COL11A1: variants seen among roughly 807,000 people sequenced by gnomAD.
COL11A1 encodes the protein collagen alpha-1(XI) chain.
Under a neutral mutation model 265.2 loss-of-function variants are expected in COL11A1, and 74 were observed. That is an observed-to-expected ratio of 0.28 (90% CI 0.23 to 0.34). COL11A1 has a LOEUF of 0.34. Ranked by LOEUF, COL11A1 falls within the 10% of genes least tolerant of loss-of-function variation. COL11A1 has a pLI of 1.00. For synonymous variants in COL11A1, 816 were observed against 727.6 expected (o/e 1.12, Z -1.96); for missense variants, 2,165 against 2,263.6 (o/e 0.96, Z 0.88).
chr1:102,947,666 A>T (rs1570825821), intron 41 of COL11A1, among the ~76,000 whole-genome samples: 1 of 152,098 alleles, frequency 6.6e-6, no homozygotes, highest in Admixed American at 6.5e-5. Context: ...TGCTTTTTTA[A>T]AAAACCTCAT....
chr1:102,916,852 T>A (rs1655396661), intron 49 of COL11A1, among the ~76,000 whole-genome samples: 1 of 151,950 alleles, frequency 6.6e-6, no homozygotes, highest in Non-Finnish European at 1.5e-5. Context: ...ATATTATTTA[T>A]AAAGAGAGGT....
At chr1:103,075,018 G>A (rs1447499121) in intron 3 of COL11A1, among the ~76,000 whole-genome samples, 1 of 152,090 alleles carries the variant, frequency 6.6e-6, no homozygotes, top group African/African-American at 2.4e-5. Flanking sequence ...AGCTGTCTGT[G>A]CTGATAAGGA....
At chr1:103,004,563 T>C (rs769299765) in intron 19 of COL11A1, 45 bp downstream of exon 19, 6 of 1,586,116 alleles carry the variant, frequency 3.8e-6, no homozygotes, top group Non-Finnish European at 5.2e-6. Flanking sequence ...TGTTTTATTA[T>C]GTTTTAATTT....
chr1:102,924,510 T>C (rs750925613), intron 46 of COL11A1, among the ~76,000 whole-genome samples: 1 of 152,218 alleles, frequency 6.6e-6, no homozygotes, highest in African/African-American at 2.4e-5. Context: ...TTGTGTATAT[T>C]TACAGTCATG....
At chr1:103,010,991 C>T (rs982646130) in intron 14 of COL11A1, among the ~76,000 whole-genome samples, 4 of 152,014 alleles carry the variant, frequency 2.6e-5, no homozygotes, top group South Asian at 2.1e-4. Flanking sequence ...CGAGCCACCG[C>T]GCCCAGCCTG....
chr1:102,882,404 T>C (rs1417661717), intron 64 of COL11A1, among the ~76,000 whole-genome samples: 4 of 152,200 alleles, frequency 2.6e-5, no homozygotes, highest in African/African-American at 9.6e-5. Flanking sequence ...AGGGGAGCTT[T>C]ACTGTGCTTC....
chr1:102,925,873 A>C (rs1656539328), intron 46 of COL11A1, among the ~76,000 whole-genome samples: 1 of 152,050 alleles, frequency 6.6e-6, no homozygotes, highest in South Asian at 2.1e-4. Context: ...AAACACCATA[A>C]ATTTAAAATT....
intron 31 of COL11A1, among the ~76,000 whole-genome samples, chr1:102,979,985 CTG>C (rs1397698491): frequency 1.2e-4 from 18 of 152,178 alleles, no homozygotes; most frequent in African/African-American, 4.1e-4. Context: ...CTATATCTAG[CTG>C]AAAGTCTATT....
chr1:103,017,243 A>T (rs1666639444), intron 11 of COL11A1, among the ~76,000 whole-genome samples: 1 of 152,068 alleles, frequency 6.6e-6, no homozygotes, highest in South Asian at 2.1e-4. Flanking sequence ...TTTAAATTAA[A>T]AAGTTTTTAC....
intron 29 of COL11A1, among the ~76,000 whole-genome samples, chr1:102,987,965 T>C (rs781018011): frequency 3.3e-5 from 5 of 152,084 alleles, no homozygotes; most frequent in Non-Finnish European, 7.4e-5. Context: ...AATCTGCCTT[T>C]ATAAAAACTA....
intron 57 of COL11A1, among the ~76,000 whole-genome samples, chr1:102,892,912 C>A (rs980005387): frequency 1.3e-5 from 2 of 151,988 alleles, no homozygotes; most frequent in East Asian, 1.9e-4. Flanking sequence ...AATTACTAAT[C>A]CTCAGAGTCA....
intron 36 of COL11A1, 53 bp downstream of exon 36, chr1:102,974,777 A>G: frequency 7.1e-7 from 1 of 1,412,988 alleles, no homozygotes; most frequent in Admixed American, 1.7e-5. Context: ...TGTGACTCTC[A>G]AAAATGTAAA....
chr1:103,097,783 T>C (rs1673902175), intron 1 of COL11A1, among the ~76,000 whole-genome samples: 3 of 151,972 alleles, frequency 2.0e-5, no homozygotes, highest in Admixed American at 6.6e-5. Context: ...AAATGAATGA[T>C]TGCAGGTATT....
chr1:103,047,501 G>C (rs941002094), intron 4 of COL11A1, among the ~76,000 whole-genome samples: 1 of 152,184 alleles, frequency 6.6e-6, no homozygotes, highest in African/African-American at 2.4e-5. Context: ...AGGAGATTTT[G>C]GGCTGAGACG....
rs2100841333 is a variant in COL11A1, at chr1:102,887,042, T to C, written c.4623A>G (p.Glu1541=). Residue 1541 remains glutamate (E), a synonymous_variant, in exon 63 of 67, where the codon GAA becomes GAG. Coordinates refer to ENST00000370096, the MANE Select transcript of COL11A1 (RefSeq NM_001854.4). ...ACAAGATTGGTAAAGGCTGAATGAC[T>C]TCACCAGGTGGACCCTGTAAAGAAG... ...GPPGSPGPPG[E]VIQPLPILSS... is the part of the protein sequence containing the mutation. 1 of 1,613,858 alleles carries C rather than the reference T, an allele frequency of 6.2e-7. No individual in the cohort carries two copies. The highest frequency in any genetic ancestry group is 8.5e-7 in the Non-Finnish European group (1 of 1,179,806).
chr1:102,954,758 C>A (rs182526412), intron 41 of COL11A1, among the ~76,000 whole-genome samples: 229 of 151,776 alleles, frequency 1.5e-3, no homozygotes, highest in Admixed American at 3.4e-3. Flanking sequence ...ACAGGAGAAT[C>A]ACTTGAACCT....
At chr1:103,067,531 G>T (rs13374456) in intron 4 of COL11A1, among the ~76,000 whole-genome samples, 1 of 151,624 alleles carries the variant, frequency 6.6e-6, no homozygotes, top group Non-Finnish European at 1.5e-5. Flanking sequence ...TGGGAAAAAA[G>T]CAAATCTCGA....
chr1:103,073,399 T>A (rs1398624555), intron 4 of COL11A1, among the ~76,000 whole-genome samples: 1 of 151,814 alleles, frequency 6.6e-6, no homozygotes, highest in Non-Finnish European at 1.5e-5. Context: ...TTTTCAAGAT[T>A]AGAAATTATA....
At chr1:103,102,867 G>T (rs915792034) in intron 1 of COL11A1, among the ~76,000 whole-genome samples, 7 of 151,890 alleles carry the variant, frequency 4.6e-5, no homozygotes, top group African/African-American at 1.7e-4. Flanking sequence ...AATTTGGTGG[G>T]AATACTAGTT....
Sources: allele counts gnomAD v4.1 joint callset (sites outside exome capture counted in the v4.1 genomes callset), GRCh38; gene constraint gnomAD v4.1.1; transcripts MANE v1.5; gene names NCBI Gene and HGNC (gene_info 2026-07-23, HGNC 2026-07-21).